The following CDHR3 variants were observed in gnomAD, a reference collection of about 807,000 sequenced individuals.
CDHR3 encodes cadherin-related family member 3.
A neutral mutation model predicts 86.6 loss-of-function variants in CDHR3; 79 were observed. That is an observed-to-expected ratio of 0.91 (90% CI 0.76 to 1.10). The LOEUF (loss-of-function observed/expected upper bound fraction) is 1.10, where lower values mean the gene tolerates loss of function less well. Ranked by LOEUF, CDHR3 falls within the 50% of genes least tolerant of loss-of-function variation. The probability of loss-of-function intolerance (pLI) is 0.00; values close to 1 mark genes in which losing one functional copy is unlikely to be tolerated. For synonymous variants in CDHR3, 421 were observed against 402.4 expected (o/e 1.05, Z -0.55); for missense variants, 1,081 against 1,077.6 (o/e 1.00, Z -0.04).
chr7:105,977,602 C>G (rs757976351), intron 2 of CDHR3, among the ~76,000 whole-genome samples: 1 of 152,194 alleles, frequency 6.6e-6, no homozygotes, highest in Non-Finnish European at 1.5e-5. Context: ...TTGCTTCTCC[C>G]CAGAAACTAC....
At chr7:105,996,879 G>T (rs1477457164) in intron 6 of CDHR3, among the ~76,000 whole-genome samples, 1 of 152,112 alleles carries the variant, frequency 6.6e-6, no homozygotes, top group Non-Finnish European at 1.5e-5. Flanking sequence ...GTCCAGCAGA[G>T]GTGGGAAGGG....
intron 12 of CDHR3, among the ~76,000 whole-genome samples, chr7:106,020,081 T>G (rs942724469): frequency 6.6e-6 from 1 of 152,134 alleles, no homozygotes; most frequent in Non-Finnish European, 1.5e-5. Context: ...ACACTAAATG[T>G]GCACACACAC....
At chr7:106,026,366 G>A (rs1308501437) in intron 15 of CDHR3, among the ~76,000 whole-genome samples, 2 of 152,210 alleles carry the variant, frequency 1.3e-5, no homozygotes, top group Non-Finnish European at 2.9e-5. Flanking sequence ...TCGCTGGACA[G>A]TCTGACTAGG....
intron 3 of CDHR3, 90 bp downstream of exon 3, chr7:105,981,223 C>A: frequency 7.5e-7 from 1 of 1,332,426 alleles, no homozygotes; most frequent in South Asian, 1.5e-5. Flanking sequence ...AGTAAATAAA[C>A]AAGCAGCTGT....
chr7:105,966,748 T>G (rs1296178037), intron 1 of CDHR3, among the ~76,000 whole-genome samples: 2 of 152,140 alleles, frequency 1.3e-5, no homozygotes, highest in Non-Finnish European at 2.9e-5. Context: ...TCACCCCCAG[T>G]GCAAGCAGTC....
chr7:105,963,324 G>C lies in CDHR3; in HGVS notation c.6G>C (p.Gln2His). The C allele has an allele frequency of 6.2e-7, 1 of 1,614,038 alleles. No homozygotes were observed. The highest frequency in any genetic ancestry group is 8.5e-7 in the Non-Finnish European group (1 of 1,179,872). Residue 2 changes from glutamine (Q) to histidine (H), a missense_variant, in exon 1 of 19, where the codon CAG (glutamine) becomes CAC (histidine). Physicochemically the swap from Gln to His is conservative, Grantham distance 24. Transcript: ENST00000317716. M[Q>H]EAIILLALLG... is the part of the protein sequence containing the mutation. ...CACAGTTGTGACCATCAAGTATGCA[G>C]GAAGCAATCATTCTCCTGGCTCTCC...
At chr7:106,016,692 A>G (rs983671318) in intron 11 of CDHR3, among the ~76,000 whole-genome samples, 6 of 152,148 alleles carry the variant, frequency 3.9e-5, no homozygotes, top group Non-Finnish European at 8.8e-5. Context: ...AACAAATGAA[A>G]CCAAAACCAA....
chr7:105,991,306 A>T (rs2115732119), intron 4 of CDHR3, among the ~76,000 whole-genome samples: 1 of 152,292 alleles, frequency 6.6e-6, no homozygotes, highest in Middle Eastern at 3.4e-3. Flanking sequence ...TTTGGATATT[A>T]TCTCCTCTCT....
intron 4 of CDHR3, 47 bp from the exon 5 acceptor site, chr7:105,994,704 G>A (rs754890005): frequency 1.6e-6 from 2 of 1,260,236 alleles, no homozygotes; most frequent in South Asian, 1.3e-5. Flanking sequence ...CTGGGGAAGG[G>A]TGGGCAGGTG....
chr7:105,981,406 G>A (rs1010724535), intron 3 of CDHR3, among the ~76,000 whole-genome samples: 2 of 152,198 alleles, frequency 1.3e-5, no homozygotes, highest in East Asian at 3.8e-4. Context: ...ACCTCGAGTG[G>A]ATCATTGTGG....
At chr7:105,970,060 C>G (rs1349335881) in intron 1 of CDHR3, among the ~76,000 whole-genome samples, 1 of 152,068 alleles carries the variant, frequency 6.6e-6, no homozygotes, top group African/African-American at 2.4e-5. Context: ...TTGTTCACTG[C>G]TGTTTGATTA....
intron 16 of CDHR3, chr7:106,027,579 T>A: frequency 2.4e-6 from 1 of 425,408 alleles, no homozygotes; most frequent in Non-Finnish European, 4.7e-6. Flanking sequence ...GCTCCAGGTC[T>A]GAGGAGGTGT....
At chr7:106,014,651 C>T (rs923707743) in intron 9 of CDHR3, among the ~76,000 whole-genome samples, 1 of 152,098 alleles carries the variant, frequency 6.6e-6, no homozygotes, top group Non-Finnish European at 1.5e-5. Context: ...ATAAAGAAAA[C>T]CAGTTATGTG....
intron 1 of CDHR3, 138 bp downstream of exon 1, chr7:105,963,502 G>A: frequency 1.1e-6 from 1 of 877,988 alleles, no homozygotes; most frequent in Non-Finnish European, 1.9e-6. Flanking sequence ...TAATGAATGA[G>A]GTGATGCCGC....
rs1354390961 is a variant in CDHR3 at position 105,974,996 on chromosome 7, C to T, written c.199C>T (p.Pro67Ser). 8.7e-6 allele frequency: 14 copies of T among 1,613,824 alleles called. No individual in the cohort carries two copies. Among genetic ancestry groups the T allele is most frequent in the African/African-American group, 2.7e-5 (2 of 74,918 alleles). Residue 67 changes from proline (P) to serine (S), a missense_variant, in exon 2 of 19, where the codon CCC becomes TCC. Coordinates refer to ENST00000317716, the MANE Select transcript of CDHR3 (RefSeq NM_152750.5). ...ATTTCCCCAGATAGTCAACTCAAAT[C>T]CCCTCACTGAAGCTTTTAGGGTGAA... is the stretch of plus-strand genomic sequence containing the variant. The part of the protein sequence containing the change: ...PGFPQIVNSN[P>S]LTEAFRVNWL...
chr7:106,008,259 G>A (rs191941984), intron 8 of CDHR3, among the ~76,000 whole-genome samples: 2 of 152,156 alleles, frequency 1.3e-5, no homozygotes, highest in Admixed American at 6.5e-5. Context: ...GGCCAATGGG[G>A]AGTCCTGGAA....
rs1838228169 is a variant in CDHR3, at chr7:106,030,899, A to C, written c.2353+59A>C. 9 of 1,480,618 alleles carry C rather than the reference A, an allele frequency of 6.1e-6. No individual in the cohort carries two copies. Among genetic ancestry groups the C allele is most frequent in the Non-Finnish European group, 7.4e-6 (8 of 1,074,088 alleles). 91.7% of individuals were successfully genotyped at this position (1,480,618 alleles called of 1,614,324 possible). ...TTTTATATTCCAGACTGGTAGAAGC[A>C]TGGAGGATCTTATCCAATTTCCTGC... On this transcript the variant is annotated intron_variant, in intron 18 of 18. Coordinates refer to ENST00000317716, the MANE Select transcript of CDHR3 (RefSeq NM_152750.5). This position sits in a 1 kb window ranked among gnomAD's most constrained non-coding sequence, Gnocchi z 4.8.
intron 8 of CDHR3, among the ~76,000 whole-genome samples, chr7:106,005,426 G>C (rs75308608): frequency 4.6e-5 from 7 of 152,140 alleles, no homozygotes; most frequent in Admixed American, 3.9e-4. Context: ...TATTAGCCTC[G>C]TCTCTGAGGT....
intron 11 of CDHR3, among the ~76,000 whole-genome samples, chr7:106,016,782 T>A (rs538781704): frequency 6.6e-6 from 1 of 152,320 alleles, no homozygotes; most frequent in African/African-American, 2.4e-5. Flanking sequence ...AAATGCAAAA[T>A]GCAAGTCCAA....
Sources: gnomAD v4.1 joint callset for allele counts (sites outside exome capture counted in the v4.1 genomes callset) on GRCh38, gnomAD v4.1.1 for gene constraint, Gnocchi (gnomAD v3.1) non-coding constraint, MANE v1.5 for transcripts, NCBI Gene and HGNC (gene_info 2026-07-23, HGNC 2026-07-21) for gene names.